UBR4: variants seen among roughly 807,000 people sequenced by gnomAD.
UBR4 encodes ubiquitin protein ligase E3 component n-recognin 4.
UBR4 carries 124 observed loss-of-function variants against 575.6 expected under a neutral mutation model. That is an observed-to-expected ratio of 0.22 (90% CI 0.19 to 0.25). UBR4 has a LOEUF of 0.25. UBR4 is among the 10% of genes least tolerant of loss of function. The pLI, the probability that UBR4 is intolerant of heterozygous loss-of-function variation, is 1.00. For missense variants in UBR4, 4,818 were observed against 6,478.8 expected, an observed-to-expected ratio of 0.74 and a Z score of 8.80; for synonymous variants, 2,455 against 2,473.7, an observed-to-expected ratio of 0.99 and a Z score of 0.22.
Position 19,199,708 on chromosome 1 carries a change from T to C in UBR4, c.321A>G (p.Leu107=), listed in dbSNP as rs1267324720. ...CCAGACGCAGGAGAGAAAACTCAAT[T>C]AGAACTTTACAGGCTGCTGCCACTG... is the stretch of plus-strand genomic sequence containing the variant. ...LQSVAAACKV[L]IEFSLLRLEN... is the part of the protein sequence containing the mutation. Residue 107 remains leucine (L), a synonymous_variant, in exon 3 of 106, where the codon CTA becomes CTG. Coordinates refer to ENST00000375254, the MANE Select transcript of UBR4 (RefSeq NM_020765.3). 6.2e-7 allele frequency: 1 copy of C among 1,614,088 alleles called. No individual in the cohort carries two copies. Among genetic ancestry groups the C allele is most frequent in the African/African-American group, 1.3e-5 (1 of 75,024 alleles).
rs1348634324 is a variant in UBR4, at chr1:19,187,083, TATATATATATATAC to T, written c.1632+67_1632+80del. On this transcript the variant is annotated intron_variant, in intron 13 of 105. Coordinates refer to ENST00000375254, the MANE Select transcript of UBR4 (RefSeq NM_020765.3). ...ATTCATTTCAAGAAAGTTTTATATATATATATATATATACATATATATATCATATATATAAAATG... is the reference window on the plus strand; with the variant it reads ...ATTCATTTCAAGAAAGTTTTATATATATATATATATCATATATATAAAATG... 103 of 899,520 alleles carry T rather than the reference TATATATATATATAC, an allele frequency of 1.1e-4. 1 individual carries two copies. The highest frequency in any genetic ancestry group is 1.4e-4 in the Non-Finnish European group (101 of 721,026). 55.7% of individuals were successfully genotyped at this position (899,520 alleles called of 1,614,324 possible). A position where few individuals can be genotyped will look rare whatever the true frequency, so the allele number is the denominator to read the frequency against.
Position 19,150,774 on chromosome 1 carries a change from T to G in UBR4, c.7233A>C (p.Pro2411=), listed in dbSNP as rs2085564767. ...CAGCATCTATCATGGTGACACCTGC[T>G]GGATCCACCGAGGCCCCAACTGCAA... The part of the protein sequence containing the change: ...LNLFIGASVD[P]AGVTMIDAVK... Residue 2411 remains proline, a synonymous_variant, in exon 49 of 106, where the codon CCA becomes CCC. Transcript: ENST00000375254. 1.2e-6 allele frequency: 2 copies of G among 1,613,864 alleles called. No individual in the cohort carries two copies. Among genetic ancestry groups the G allele is most frequent in the African/African-American group, 1.3e-5 (1 of 74,886 alleles).
intron 70 of UBR4, 25 bp from the exon 71 acceptor site, chr1:19,118,982 C>T: frequency 6.2e-7 from 1 of 1,610,044 alleles, no homozygotes; most frequent in Non-Finnish European, 8.5e-7. Context: ...AGTAAAGAAA[C>T]AACTTAAAGC....
At chr1:19,145,132 A>G (rs1230092569) in intron 53 of UBR4, among the ~76,000 whole-genome samples, 1 of 152,236 alleles carries the variant, frequency 6.6e-6, no homozygotes, top group Non-Finnish European at 1.5e-5. Context: ...GTCTTTCCAG[A>G]TATCTTGAGT....
At chr1:19,092,217 G>C (rs371561005) in intron 97 of UBR4, among the ~76,000 whole-genome samples, 1 of 152,072 alleles carries the variant, frequency 6.6e-6, no homozygotes, top group African/African-American at 2.4e-5. Flanking sequence ...GTGTGTGCTC[G>C]GGTTCCACAT....
chr1:19,158,269 T>C (rs2086724122), intron 39 of UBR4, among the ~76,000 whole-genome samples: 1 of 152,240 alleles, frequency 6.6e-6, no homozygotes, highest in Non-Finnish European at 1.5e-5. Context: ...TTACAAATTG[T>C]GGTGACAGAT....
Position 19,091,510 on chromosome 1 carries a change from G to A in UBR4, c.14211+1309C>T, listed in dbSNP as rs549466554. On this transcript the variant is annotated intron_variant, in intron 97 of 105. Transcript: ENST00000375254. ...CATTAAAAAACAAACAATCCAGTTAGAAATTGGGCAAAAGACATGAACAGA... is the reference window on the plus strand; with the variant it reads ...CATTAAAAAACAAACAATCCAGTTAAAAATTGGGCAAAAGACATGAACAGA... Among the ~76,000 whole-genome samples, 121 of 152,326 alleles carry A rather than the reference G, an allele frequency of 7.9e-4. 1 individual carries two copies. Among genetic ancestry groups the A allele is most frequent in the African/African-American group, 2.6e-3 (108 of 41,574 alleles).
intron 55 of UBR4, among the ~76,000 whole-genome samples, chr1:19,143,266 GAAAGAAAGAAAGA>G (rs2084303049): frequency 9.9e-4 from 54 of 54,302 alleles, no homozygotes; most frequent in Admixed American, 1.9e-3. Context: ...AAGGAAGAAA[GAAAGAAAGAAAGA>G]AAGAAAGAAA....
chr1:19,114,076 C>T lies in UBR4; in HGVS notation c.11203-6G>A, dbSNP rs1170300024. On this transcript the variant is annotated splice_polypyrimidine_tract_variant and splice_region_variant and intron_variant, in intron 75 of 105. Coordinates refer to ENST00000375254, the MANE Select transcript of UBR4 (RefSeq NM_020765.3). ...GTATTGATGTTGGATACAGCCTAGA[C>T]AGGAAAAGACAGGGACTGAGTGAAG... is the stretch of plus-strand genomic sequence containing the variant. 6 of 1,608,618 alleles carry T rather than the reference C, an allele frequency of 3.7e-6. No homozygotes were observed. The Admixed American group carries it at 8.3e-5, about 22-fold the overall frequency.
chr1:19,144,496 T>C lies in UBR4; in HGVS notation c.8067+290A>G, dbSNP rs561089658. Among the ~76,000 whole-genome samples, 3 of 152,338 alleles carry C rather than the reference T, an allele frequency of 2.0e-5. No individual in the cohort carries two copies. In the South Asian group the frequency reaches 6.2e-4, roughly 32 times the overall value. ...TAGAAATCTTGATGTACTACTTTCA[T>C]TCATGTGCTCATTTAAGTCACAATT... On this transcript the variant is annotated intron_variant, in intron 54 of 105. Transcript: ENST00000375254.
rs932105004 is a variant in UBR4, at chr1:19,186,592, G to T, written c.1698C>A (p.Ser566=). 6.2e-7 allele frequency: 1 copy of T among 1,614,122 alleles called. No homozygotes were observed. The highest frequency in any genetic ancestry group is 1.7e-5 in the Admixed American group (1 of 60,008). Residue 566 remains serine, a synonymous_variant, in exon 14 of 106, where the codon TCC becomes TCA. Coordinates refer to ENST00000375254, the MANE Select transcript of UBR4 (RefSeq NM_020765.3). ...TGAAATCGTCCTCATAGTAAGTATT[G>T]GAGTCGGTGGAGGCGCTGGCATCGC... ...MSSDASASTD[S]NTYYEDDFSS... is the part of the protein sequence containing the mutation.
chr1:19,165,072 C>T (rs2088098551), intron 31 of UBR4, 75 bp from the exon 32 acceptor site: 1 of 1,577,018 alleles, frequency 6.3e-7, no homozygotes, highest in African/African-American at 1.4e-5. Context: ...ACTGTTGAGC[C>T]AGGAAAAGGG....
intron 32 of UBR4, 140 bp from the exon 33 acceptor site, chr1:19,164,581 A>C: frequency 8.6e-7 from 1 of 1,159,098 alleles, no homozygotes. Context: ...GTAGAGCATA[A>C]AACATTCATT....
chr1:19,116,781 C>T (rs558909481), intron 73 of UBR4, among the ~76,000 whole-genome samples: 1 of 152,290 alleles, frequency 6.6e-6, no homozygotes, highest in Non-Finnish European at 1.5e-5. Flanking sequence ...ATGTGGAAAT[C>T]GAAGAGTGTG....
At chr1:19,126,228 A>G (rs2081761832) in intron 64 of UBR4, among the ~76,000 whole-genome samples, 1 of 152,218 alleles carries the variant, frequency 6.6e-6, no homozygotes, top group Non-Finnish European at 1.5e-5. Flanking sequence ...ATCTCATTCA[A>G]TTCCTCCAAT....
chr1:19,091,714 T>C (rs186338862), intron 97 of UBR4, among the ~76,000 whole-genome samples: 293 of 152,300 alleles, frequency 1.9e-3, no homozygotes, highest in Non-Finnish European at 2.9e-3. Context: ...CGGTGAAATG[T>C]AAAATGTAAA....
chr1:19,156,660 A>T (rs2086500994), intron 41 of UBR4, 107 bp downstream of exon 41: 1 of 1,475,858 alleles, frequency 6.8e-7, no homozygotes, highest in Non-Finnish European at 9.1e-7. Context: ...GTAGGTTTTA[A>T]ATTTTAATCT....
intron 103 of UBR4, 30 bp from the exon 104 acceptor site, chr1:19,078,096 G>T: frequency 6.2e-7 from 1 of 1,606,870 alleles, no homozygotes; most frequent in Non-Finnish European, 8.5e-7. Context: ...TCCATCACAT[G>T]AAGTCCCTAG....
chr1:19,174,978 A>G lies in UBR4; in HGVS notation c.2829T>C (p.Asp943=), dbSNP rs776865340. 5.0e-6 allele frequency: 8 copies of G among 1,613,974 alleles called. No homozygotes were observed. The highest frequency in any genetic ancestry group is 6.8e-6 in the Non-Finnish European group (8 of 1,179,914). Reference sequence around the variant, plus strand: ...CCACAGAATCAAGTCGGTTCAAATCATCCTCTGAGGCTTCTGGGGACAGGA... The same window carrying G: ...CCACAGAATCAAGTCGGTTCAAATCGTCCTCTGAGGCTTCTGGGGACAGGA... ...YCVLSPEASE[D]DLNRLDSVAC... is the part of the protein sequence containing the mutation. The change falls in exon 21 of 106, where the codon GAT becomes GAC. Residue 943 remains aspartate (D), a synonymous_variant. Coordinates refer to ENST00000375254, the MANE Select transcript of UBR4 (RefSeq NM_020765.3).
Sources: allele counts gnomAD v4.1 joint callset (sites outside exome capture counted in the v4.1 genomes callset), GRCh38; gene constraint gnomAD v4.1.1; transcripts MANE v1.5; gene names NCBI Gene and HGNC (gene_info 2026-07-23, HGNC 2026-07-21).